The following PITPNC1 variants were observed in gnomAD, a reference collection of about 807,000 sequenced individuals.
PITPNC1 encodes phosphatidylinositol transfer protein cytoplasmic 1, also known as cytoplasmic phosphatidylinositol transfer protein 1.
PITPNC1 carries 18 observed loss-of-function variants against 44.7 expected under a neutral mutation model. The observed-to-expected ratio is 0.40, with a 90% CI of 0.28 to 0.60. The LOEUF is 0.60. PITPNC1 is among the 20% of genes least tolerant of loss of function. The pLI is 0.39. For synonymous variants in PITPNC1, 141 were observed against 149.6 expected (o/e 0.94, Z 0.42); for missense variants, 290 against 418.4 (o/e 0.69, Z 2.68).
chr17:67,664,674 C>T (rs980097450), intron 6 of PITPNC1, among the ~76,000 whole-genome samples: 5 of 152,152 alleles, frequency 3.3e-5, no homozygotes, highest in African/African-American at 4.8e-5. Flanking sequence ...GAGGTCGAGG[C>T]GGGCAGATCA....
chr17:67,458,150 C>G (rs1341132995), intron 1 of PITPNC1, among the ~76,000 whole-genome samples: 1 of 152,208 alleles, frequency 6.6e-6, no homozygotes, highest in Admixed American at 6.5e-5. Flanking sequence ...TCTTCTCTCT[C>G]CATCATACCT....
chr17:67,618,976 G>A (rs764915027), intron 5 of PITPNC1, among the ~76,000 whole-genome samples: 8 of 151,388 alleles, frequency 5.3e-5, no homozygotes, highest in Non-Finnish European at 7.4e-5. Context: ...GAAGAATGGC[G>A]TGAACCCGGG....
intron 2 of PITPNC1, among the ~76,000 whole-genome samples, chr17:67,536,313 G>A (rs181139344): frequency 2.0e-5 from 3 of 152,246 alleles, no homozygotes; most frequent in Admixed American, 2.0e-4. Flanking sequence ...CACCCAGGCT[G>A]GAGTGCAGTG....
At chr17:67,390,845 A>G (rs1290346899) in intron 1 of PITPNC1, among the ~76,000 whole-genome samples, 4 of 152,222 alleles carry the variant, frequency 2.6e-5, no homozygotes, top group Non-Finnish European at 5.9e-5. Context: ...GAGCCACATT[A>G]TACAAGACTG....
At chr17:67,486,403 CTCT>C (rs1246579706) in intron 1 of PITPNC1, among the ~76,000 whole-genome samples, 2 of 152,060 alleles carry the variant, frequency 1.3e-5, no homozygotes, top group African/African-American at 4.8e-5. Context: ...AAAAATAGAC[CTCT>C]TCTTCCTCCT....
chr17:67,661,025 ATTTTTTTTTT>A, intron 6 of PITPNC1, among the ~76,000 whole-genome samples: 1 of 128,768 alleles, frequency 7.8e-6, no homozygotes, highest in East Asian at 2.2e-4. Context: ...CGCCCAGCTA[ATTTTTTTTTT>A]TTTTTTTTGT....
intron 1 of PITPNC1, chr17:67,379,420 G>T: frequency 1.0e-6 from 1 of 969,618 alleles, no homozygotes; most frequent in East Asian, 1.1e-4. Context: ...TCCAAGACAA[G>T]ATCAAAGTAG....
chr17:67,511,697 T>G (rs1409091510), intron 1 of PITPNC1, among the ~76,000 whole-genome samples: 1 of 152,000 alleles, frequency 6.6e-6, no homozygotes, highest in Non-Finnish European at 1.5e-5. Flanking sequence ...TTAGTAGAGA[T>G]GAGGTTTCAG....
chr17:67,632,651 T>C (rs1470571280), intron 6 of PITPNC1, among the ~76,000 whole-genome samples: 1 of 149,850 alleles, frequency 6.7e-6, no homozygotes, highest in Non-Finnish European at 1.5e-5. Flanking sequence ...CACTGTGGCA[T>C]CTGCCTCCCA....
chr17:67,488,622 G>A (rs1022224594), intron 1 of PITPNC1, among the ~76,000 whole-genome samples: 1 of 152,186 alleles, frequency 6.6e-6, no homozygotes. Context: ...ATTTTTAAAT[G>A]TACAGTTCTG....
At chr17:67,387,940 C>A (rs550263905) in intron 1 of PITPNC1, among the ~76,000 whole-genome samples, 1 of 152,116 alleles carries the variant, frequency 6.6e-6, no homozygotes, top group Non-Finnish European at 1.5e-5. Context: ...TTTCACTGGC[C>A]GCTCTGCAGT....
At chr17:67,497,616 C>T (rs1217044399) in intron 1 of PITPNC1, among the ~76,000 whole-genome samples, 1 of 145,250 alleles carries the variant, frequency 6.9e-6, no homozygotes, top group African/African-American at 2.6e-5. Flanking sequence ...CAGTCTCGAC[C>T]TCCTAGGCTC....
At chr17:67,458,711 T>C (rs1598691447) in intron 1 of PITPNC1, among the ~76,000 whole-genome samples, 2 of 152,202 alleles carry the variant, frequency 1.3e-5, no homozygotes. Context: ...GCTTATGGTG[T>C]ATTCTAATTT....
At chr17:67,391,598 A>G (rs1025327197) in intron 1 of PITPNC1, among the ~76,000 whole-genome samples, 1 of 152,088 alleles carries the variant, frequency 6.6e-6, no homozygotes, top group African/African-American at 2.4e-5. Context: ...CTCCTGCCTC[A>G]GCATCCCAAG....
chr17:67,529,092 G>T (rs2040427490), intron 1 of PITPNC1, among the ~76,000 whole-genome samples: 1 of 152,116 alleles, frequency 6.6e-6, no homozygotes, highest in Admixed American at 6.5e-5. Context: ...CCGTCTCAGT[G>T]AGCTAATGCC....
intron 1 of PITPNC1, among the ~76,000 whole-genome samples, chr17:67,384,754 A>G (rs933548509): frequency 1.3e-5 from 2 of 152,194 alleles, no homozygotes; most frequent in African/African-American, 4.8e-5. Context: ...ATTTTCCTGA[A>G]ATGCATCTGC....
At chr17:67,511,923 C>G (rs1726612482) in intron 1 of PITPNC1, among the ~76,000 whole-genome samples, 1 of 152,200 alleles carries the variant, frequency 6.6e-6, no homozygotes, top group African/African-American at 2.4e-5. Context: ...ATACTGATTA[C>G]TTGAGGTTGA....
chr17:67,446,865 G>A (rs1484275374), intron 1 of PITPNC1, among the ~76,000 whole-genome samples: 1 of 151,746 alleles, frequency 6.6e-6, no homozygotes, highest in Non-Finnish European at 1.5e-5. Flanking sequence ...CGAGGTGGGT[G>A]GATTACTTGA....
At chr17:67,387,539 G>T (rs1282992345) in intron 1 of PITPNC1, among the ~76,000 whole-genome samples, 1 of 152,100 alleles carries the variant, frequency 6.6e-6, no homozygotes, top group African/African-American at 2.4e-5. Flanking sequence ...GGTGGTGGGC[G>T]CCTGTAATCC....
Sources: gnomAD v4.1 joint callset for allele counts (sites outside exome capture counted in the v4.1 genomes callset) on GRCh38, gnomAD v4.1.1 for gene constraint, MANE v1.5 for transcripts, NCBI Gene and HGNC (gene_info 2026-07-23, HGNC 2026-07-21) for gene names.